The following RNF38 variants were observed in gnomAD, a reference collection of about 807,000 sequenced individuals.
RNF38 encodes the protein E3 ubiquitin-protein ligase RNF38.
RNF38 carries 15 observed loss-of-function variants against 67.2 expected under a neutral mutation model. The observed-to-expected ratio is 0.22, with a 90% CI of 0.15 to 0.34. The LOEUF (loss-of-function observed/expected upper bound fraction) is 0.34, where lower values mean the gene tolerates loss of function less well. RNF38 is among the 10% of genes least tolerant of loss of function. The pLI, the probability that RNF38 is intolerant of heterozygous loss-of-function variation, is 1.00. For missense variants in RNF38, 524 were observed against 639.9 expected, an observed-to-expected ratio of 0.82 and a Z score of 1.95; for synonymous variants, 220 against 218.8, an observed-to-expected ratio of 1.01 and a Z score of -0.05.
At chr9:36,390,768 A>C in intron 1 of RNF38, 152 bp from the exon 2 acceptor site, 1 of 857,082 alleles carries the variant, frequency 1.2e-6, no homozygotes, top group Non-Finnish European at 1.8e-6. Flanking sequence ...AAACATCAAA[A>C]CATAAAGATG....
At chr9:36,361,764 T>TA (rs367917099) in intron 4 of RNF38, among the ~76,000 whole-genome samples, 1 of 152,230 alleles carries the variant, frequency 6.6e-6, no homozygotes, top group African/African-American at 2.4e-5. Context: ...AAACTATCCA[T>TA]AAAAGAAACA....
chr9:36,360,140 A>G (rs538487586), intron 4 of RNF38, among the ~76,000 whole-genome samples: 146 of 142,356 alleles, frequency 1.0e-3, no homozygotes, highest in African/African-American at 3.4e-3. Flanking sequence ...CTTCAACCCC[A>G]TAAGACAGGA....
At chr9:36,469,936 G>A (rs1839957818) in intron 1 of RNF38, among the ~76,000 whole-genome samples, 1 of 152,156 alleles carries the variant, frequency 6.6e-6, no homozygotes, top group Non-Finnish European at 1.5e-5. Flanking sequence ...CCAGGATCAT[G>A]CCACTGCACT....
At position 36,338,510 on chromosome 9, in the gene RNF38, A is replaced by AG. The variant is rs2133285436; in HGVS notation, c.*1241dup. 1 of 152,142 alleles carries AG rather than the reference A, an allele frequency of 6.6e-6. No individual in the cohort carries two copies. The highest frequency in any genetic ancestry group is 6.5e-5 in the Admixed American group (1 of 15,302). The allele number at this position is 152,142 out of a possible 1,614,324, so 9.4% of individuals were successfully genotyped here. ...TTTCGATGAGAAGCACGTGTGATGA[A>AG]GGAAGAACTAGACAACTTTCAGAAT... On this transcript the variant is annotated 3_prime_UTR_variant, in exon 12 of 12. Transcript: ENST00000259605.
At chr9:36,409,079 T>G (rs1349254015) in intron 2 of RNF38, among the ~76,000 whole-genome samples, 1 of 151,978 alleles carries the variant, frequency 6.6e-6, no homozygotes, top group African/African-American at 2.4e-5. Flanking sequence ...CCCAGCTACT[T>G]GGGAGGCTGA....
rs73441070 is a variant in RNF38, at chr9:36,419,458, A to G, written n.312+5155T>C. Among the ~76,000 whole-genome samples the G allele has an allele frequency of 3.9e-3, 591 of 152,318 alleles. 7 individuals carry two copies. Among genetic ancestry groups the G allele is most frequent in the African/African-American group, 0.014 (568 of 41,574 alleles). On this transcript the variant is annotated intron_variant and non_coding_transcript_variant, in intron 2 of 3. Coordinates refer to the RNF38 transcript ENST00000488058. The stretch of plus-strand genomic sequence containing the variant: ...TTCTATTTTCGTTTCTCAAATGGCC[A>G]TCCTCCTGGCAATGTATCAAGAACT...
At chr9:36,372,423 T>A in intron 3 of RNF38, 1 of 616,866 alleles carries the variant, frequency 1.6e-6, no homozygotes, top group Non-Finnish European at 3.0e-6. Context: ...CAGTTCTTTG[T>A]TTTATTGCAT....
intron 3 of RNF38, among the ~76,000 whole-genome samples, chr9:36,370,616 G>A (rs565997888): frequency 2.6e-5 from 4 of 152,086 alleles, no homozygotes; most frequent in South Asian, 4.1e-4. Context: ...ATTAGAATTT[G>A]CTTGTTGGGC....
At chr9:36,474,236 C>G (rs1453171914) in intron 1 of RNF38, among the ~76,000 whole-genome samples, 19 of 151,190 alleles carry the variant, frequency 1.3e-4, no homozygotes, top group African/African-American at 4.4e-4. Context: ...TGGCGAGAAC[C>G]TGGGAGGCGG....
intron 1 of RNF38, among the ~76,000 whole-genome samples, chr9:36,449,504 C>T (rs1206191599): frequency 6.6e-6 from 1 of 151,862 alleles, no homozygotes; most frequent in African/African-American, 2.4e-5. Context: ...GGCGCGATCT[C>T]GGTTCACTGC....
At chr9:36,443,023 T>C (rs1484620627) in intron 1 of RNF38, among the ~76,000 whole-genome samples, 3 of 152,218 alleles carry the variant, frequency 2.0e-5, no homozygotes, top group Non-Finnish European at 2.9e-5. Context: ...TCCCTCCACA[T>C]GGAAATGTGA....
intron 1 of RNF38, among the ~76,000 whole-genome samples, chr9:36,457,101 T>A (rs1564070194): frequency 6.6e-6 from 1 of 150,840 alleles, no homozygotes; most frequent in Non-Finnish European, 1.5e-5. Context: ...TTCTTTAAAT[T>A]CATGGATGCT....
At position 36,417,599 on chromosome 9, in the gene RNF38, C is replaced by T. The variant is rs796521698; in HGVS notation, n.312+7014G>A. On this transcript the variant is annotated intron_variant and non_coding_transcript_variant, in intron 2 of 3. Coordinates refer to the RNF38 transcript ENST00000488058. ...CAATCTCGGTTCAATACAAACTCCA[C>T]TTCTGGGTTCAAGAGATTCTCCTGC... is the stretch of plus-strand genomic sequence containing the variant. Among the ~76,000 whole-genome samples, 11 of 152,266 alleles carry T rather than the reference C, an allele frequency of 7.2e-5. 1 individual carries two copies. Among genetic ancestry groups the T allele is most frequent in the African/African-American group, 2.6e-4 (11 of 41,550 alleles).
upstream of RNF38, chr9:36,401,248 G>C (rs956146678): frequency 9.2e-6 from 9 of 982,592 alleles, no homozygotes; most frequent in African/African-American, 3.5e-5. Context: ...CGCACGACTC[G>C]GACCAGTTCC....
At chr9:36,465,846 C>G (rs1156881776) in intron 1 of RNF38, among the ~76,000 whole-genome samples, 1 of 151,878 alleles carries the variant, frequency 6.6e-6, no homozygotes, top group East Asian at 2.0e-4. Context: ...GTCAGGAGAT[C>G]GGGACCATCC....
intron 1 of RNF38, among the ~76,000 whole-genome samples, chr9:36,460,831 G>A (rs528026817): frequency 5.8e-4 from 84 of 144,770 alleles, no homozygotes; most frequent in Middle Eastern, 3.8e-3. Flanking sequence ...AGGTTGCAGC[G>A]AGCCGAGATT....
At chr9:36,395,284 T>A (rs535820694) in intron 1 of RNF38, among the ~76,000 whole-genome samples, 2 of 152,270 alleles carry the variant, frequency 1.3e-5, no homozygotes, top group East Asian at 3.9e-4. Context: ...TCCCAAAACA[T>A]TTAAAATTGC....
At chr9:36,459,392 T>G (rs959560406) in intron 1 of RNF38, among the ~76,000 whole-genome samples, 17 of 152,172 alleles carry the variant, frequency 1.1e-4, no homozygotes, top group Non-Finnish European at 2.1e-4. Flanking sequence ...CAGTAACCTG[T>G]GTTAAGGCAT....
chr9:36,410,202 A>G (rs1385979756), intron 2 of RNF38, among the ~76,000 whole-genome samples: 1 of 152,258 alleles, frequency 6.6e-6, no homozygotes, highest in Non-Finnish European at 1.5e-5. Context: ...AGAAAGGATA[A>G]TGTAAAATTA....
Sources: gnomAD v4.1 joint callset for allele counts (sites outside exome capture counted in the v4.1 genomes callset) on GRCh38, gnomAD v4.1.1 for gene constraint, MANE v1.5 for transcripts, NCBI Gene and HGNC (gene_info 2026-07-23, HGNC 2026-07-21) for gene names.